Variants in PXN observed in about 807,000 individuals in gnomAD.
PXN encodes the protein testicular tissue protein Li 134.
Under a neutral mutation model 103.6 loss-of-function variants are expected in PXN, and 61 were observed. The ratio of observed to expected loss-of-function variants is 0.59; its 90% CI spans 0.48 to 0.73. PXN has a LOEUF of 0.73. Ranked by LOEUF, PXN falls within the 30% of genes least tolerant of loss-of-function variation. The pLI is 0.00. For missense variants in PXN, 1,274 were observed against 1,460.3 expected, an observed-to-expected ratio of 0.87 and a Z score of 2.08; for synonymous variants, 562 against 607.8, an observed-to-expected ratio of 0.92 and a Z score of 1.11.
rs376259841 is a variant in PXN, at chr12:120,216,002, C to T, written c.2301+271G>A. The T allele has an allele frequency of 3.5e-5, 47 of 1,352,148 alleles. No homozygotes were observed. The African/African-American group carries it at 5.2e-4, about 15-fold the overall frequency. The allele number at this position is 1,352,148 out of a possible 1,614,324, so 83.8% of individuals were successfully genotyped here. A position where few individuals can be genotyped will look rare whatever the true frequency, so the allele number is the denominator to read the frequency against. On this transcript the variant is annotated intron_variant, in intron 9 of 14. Coordinates refer to ENST00000637617, the MANE Select transcript of PXN (RefSeq NM_001385981.1). This position sits in a 1 kb window ranked among gnomAD's most constrained non-coding sequence, Gnocchi z 5.1. ...TCCCTTCTGGAGTGGCTTCTTTCCT[C>T]GATGGGAGCCCGGGGCAGTACTGAG...
In PXN at chr12:120,219,606, C is replaced by T. The variant is rs750178576; in HGVS notation, c.1317G>A (p.Trp439Ter). ...EALAATWEQP[W>*]ASEVFGPERM... ...TCTCAGGCCCGAATACCTCCGAAGC[C>T]CATGGCTGCTCCCATGTGGCAGCCA... The change falls in exon 7 of 15, where the codon TGG becomes TGA. Residue 439 changes from tryptophan (W) to a stop codon, truncating the protein, a stop_gained. Coordinates refer to ENST00000637617, the MANE Select transcript of PXN (RefSeq NM_001385981.1). LOFTEE classifies it high-confidence loss of function. This position sits in a 1 kb window ranked among gnomAD's most constrained non-coding sequence, Gnocchi z 6.5. 4 of 1,565,936 alleles carry T rather than the reference C, an allele frequency of 2.6e-6. No individual in the cohort carries two copies. Among genetic ancestry groups the T allele is most frequent in the Non-Finnish European group, 3.4e-6 (4 of 1,163,494 alleles).
Position 120,213,054 on chromosome 12 carries a change from T to C in PXN, c.2980-474A>G, listed in dbSNP as rs879847665. On this transcript the variant is annotated intron_variant, in intron 14 of 14. Coordinates refer to ENST00000637617, the MANE Select transcript of PXN (RefSeq NM_001385981.1). This position sits in a 1 kb window ranked among gnomAD's most constrained non-coding sequence, Gnocchi z 4.2. ...TCAAACTCTGCCTCCTAGATTCTCA[T>C]TGGAGATTCACATCACATATAGGTA... 12 of 155,396 alleles carry C rather than the reference T, an allele frequency of 7.7e-5. No individual in the cohort carries two copies. The highest frequency in any genetic ancestry group is 1.3e-4 in the Non-Finnish European group (9 of 70,102). The allele number at this position is 155,396 out of a possible 1,614,324, so 9.6% of individuals were successfully genotyped here.
intron 1 of PXN, among the ~76,000 whole-genome samples, chr12:120,231,011 T>G (rs2136411305): frequency 6.6e-6 from 1 of 152,218 alleles, no homozygotes; most frequent in African/African-American, 2.4e-5. Flanking sequence ...AATGAATGGC[T>G]GAATGACAGA....
intron 1 of PXN, among the ~76,000 whole-genome samples, chr12:120,260,107 G>A (rs570530128): frequency 2.6e-5 from 4 of 152,340 alleles, no homozygotes; most frequent in South Asian, 2.1e-4. Context: ...TGTCTCAAGA[G>A]TAACAGGTGA....
Position 120,224,628 on chromosome 12 carries a change from T to G in PXN, c.14-251A>C, listed in dbSNP as rs1403830466. 1 of 678,172 alleles carries G rather than the reference T, an allele frequency of 1.5e-6. No individual in the cohort carries two copies. Among genetic ancestry groups the G allele is most frequent in the East Asian group, 2.8e-5 (1 of 35,098 alleles). 42.0% of individuals were successfully genotyped at this position (678,172 alleles called of 1,614,324 possible). A position where few individuals can be genotyped will look rare whatever the true frequency, so the allele number is the denominator to read the frequency against. On this transcript the variant is annotated intron_variant, in intron 1 of 14. Transcript: ENST00000637617. The surrounding 1 kb of genome is among the most constrained non-coding windows in gnomAD (Gnocchi z 5.0). ...CTAGAGGCGGGCTCTGGGGCTGCCC[T>G]GTGGGATCTCCTACCTCTGGGAGTC...
intron 1 of PXN, chr12:120,249,967 C>A (rs1451773565): frequency 1.0e-6 from 1 of 985,376 alleles, no homozygotes; most frequent in Admixed American, 6.1e-5. Flanking sequence ...CCTTCCAAGA[C>A]AGGCAGCATG....
chr12:120,260,513 A>G (rs1893712344), intron 1 of PXN, among the ~76,000 whole-genome samples: 1 of 151,398 alleles, frequency 6.6e-6, no homozygotes, highest in African/African-American at 2.4e-5. Context: ...AAAAAAAAAA[A>G]AGAACAAAAG....
chr12:120,226,334 C>T, intron 1 of PXN: 5 of 1,289,238 alleles, frequency 3.9e-6, no homozygotes, highest in Non-Finnish European at 4.0e-6. Flanking sequence ...TGAAGGCCCA[C>T]TGGGGCCAGG....
intron 1 of PXN, among the ~76,000 whole-genome samples, chr12:120,246,222 AC>A (rs990860615): frequency 6.6e-6 from 1 of 150,522 alleles, no homozygotes; most frequent in African/African-American, 2.4e-5. Context: ...TTCCGTCTCT[AC>A]AAAAATAAAA....
chr12:120,264,634 T>G (rs185329505), intron 1 of PXN, among the ~76,000 whole-genome samples: 1 of 152,142 alleles, frequency 6.6e-6, no homozygotes, highest in African/African-American at 2.4e-5. Context: ...AGGAAAACAG[T>G]AAAACTCTGT....
intron 1 of PXN, among the ~76,000 whole-genome samples, chr12:120,236,858 G>A (rs184835649): frequency 3.3e-5 from 5 of 151,686 alleles, no homozygotes; most frequent in African/African-American, 1.2e-4. Flanking sequence ...AGGCTGGAGT[G>A]CAGTGGTGTG....
Position 120,216,283 on chromosome 12 carries a change from G to C in PXN, c.2291C>G (p.Pro764Arg), listed in dbSNP as rs1168747566. ...GCQTDEDPLF[P>R]PMQIQGLEQR... ...TCCTTTAAGGCCTGCCTGCATCGGG[G>C]GGAAGAGCGGGTCCTCATCAGTCTG... Residue 764 changes from proline to arginine, a missense_variant, in exon 9 of 15, where the codon CCC (proline) becomes CGC (arginine). Pro to Arg is a moderately radical substitution (Grantham distance 103). Coordinates refer to ENST00000637617, the MANE Select transcript of PXN (RefSeq NM_001385981.1). The surrounding 1 kb of genome is among the most constrained non-coding windows in gnomAD (Gnocchi z 5.1). 7.8e-7 allele frequency: 1 copy of C among 1,277,562 alleles called. No individual in the cohort carries two copies. Among genetic ancestry groups the C allele is most frequent in the Non-Finnish European group, 9.8e-7 (1 of 1,016,310 alleles). 79.1% of individuals were successfully genotyped at this position (1,277,562 alleles called of 1,614,324 possible).
In PXN at chr12:120,240,073, C is replaced by T. The variant is rs573012337; in HGVS notation, c.14-15696G>A. Among the ~76,000 whole-genome samples, 3 of 152,216 alleles carry T rather than the reference C, an allele frequency of 2.0e-5. No homozygotes were observed. In the South Asian group the frequency reaches 6.2e-4, roughly 32 times the overall value. On this transcript the variant is annotated intron_variant, in intron 1 of 14. Coordinates refer to ENST00000637617, the MANE Select transcript of PXN (RefSeq NM_001385981.1). ...CCAGCTCTGCCACTTGCTAGCATGACACCTCTTTGAGCTCAGTTCCCTCAT... is the reference window on the plus strand; with the variant it reads ...CCAGCTCTGCCACTTGCTAGCATGATACCTCTTTGAGCTCAGTTCCCTCAT...
In PXN at chr12:120,220,318, G is replaced by A. The variant is rs1287068773; in HGVS notation, c.832-227C>T. On this transcript the variant is annotated intron_variant, in intron 6 of 14. Coordinates refer to ENST00000637617, the MANE Select transcript of PXN (RefSeq NM_001385981.1). The surrounding 1 kb of genome is among the most constrained non-coding windows in gnomAD (Gnocchi z 6.1). ...AGCAAGAGAAAGCAGCCACCAAGCCGTGCCTGTGGAGCCACCCAGGGAGGG... is the reference window on the plus strand; with the variant it reads ...AGCAAGAGAAAGCAGCCACCAAGCCATGCCTGTGGAGCCACCCAGGGAGGG... Among the ~76,000 whole-genome samples, 4 of 152,146 alleles carry A rather than the reference G, an allele frequency of 2.6e-5. No individual in the cohort carries two copies. The highest frequency in any genetic ancestry group is 2.1e-4 in the South Asian group (1 of 4,830).
At chr12:120,218,042 A>ATTT (rs1167466002) in intron 7 of PXN, among the ~76,000 whole-genome samples, 14 of 99,232 alleles carry the variant, frequency 1.4e-4, no homozygotes, top group African/African-American at 2.3e-4. Flanking sequence ...AGCTTGGGGG[A>ATTT]TTTTTTTTTT....
chr12:120,250,198 GACACTCC>G lies in PXN; in HGVS notation c.13+15412_13+15418del, dbSNP rs1217524029. ...AGAGGAAACCAAGTGCAGGCCATTG[GACACTCC>G]CATTTCCACCTAAGGAAGAGGAATG... is the stretch of plus-strand genomic sequence containing the variant. On this transcript the variant is annotated intron_variant, in intron 1 of 14. Coordinates refer to ENST00000637617, the MANE Select transcript of PXN (RefSeq NM_001385981.1). 8 of 984,408 alleles carry G rather than the reference GACACTCC, an allele frequency of 8.1e-6. No homozygotes were observed. The Admixed American group carries it at 4.9e-4, about 61-fold the overall frequency. 61.0% of individuals were successfully genotyped at this position (984,408 alleles called of 1,614,324 possible).
chr12:120,231,340 G>A (rs1045310158), intron 1 of PXN, among the ~76,000 whole-genome samples: 2 of 152,218 alleles, frequency 1.3e-5, no homozygotes, highest in African/African-American at 2.4e-5. Context: ...GCTCTGCTAA[G>A]AGGATGGATG....
rs1454178523 is a variant in PXN at position 120,254,331 on chromosome 12, G to T, written c.13+11286C>A. ...AGATGCACAAGTTTAGAAATCTAAT[G>T]TATGATATGAGGGCTGAAGTTAAGA... On this transcript the variant is annotated intron_variant, in intron 1 of 14. Transcript: ENST00000637617. Among the ~76,000 whole-genome samples, 6 of 152,184 alleles carry T rather than the reference G, an allele frequency of 3.9e-5. No individual in the cohort carries two copies. The East Asian group carries it at 1.2e-3, about 29-fold the overall frequency.
chr12:120,219,070 G>T lies in PXN; in HGVS notation c.1716+137C>A. 2.1e-6 allele frequency: 2 copies of T among 960,800 alleles called. No individual in the cohort carries two copies. Among genetic ancestry groups the T allele is most frequent in the Non-Finnish European group, 3.0e-6 (2 of 671,746 alleles). The allele number at this position is 960,800 out of a possible 1,614,324, so 59.5% of individuals were successfully genotyped here. A position where few individuals can be genotyped will look rare whatever the true frequency, so the allele number is the denominator to read the frequency against. ...CCCACTGCCAAGTGCTGACTGTCAG[G>T]TCCGGCCACAGTGTCTCAGCATTTT... is the stretch of plus-strand genomic sequence containing the variant. On this transcript the variant is annotated intron_variant, in intron 7 of 14. Coordinates refer to ENST00000637617, the MANE Select transcript of PXN (RefSeq NM_001385981.1). This position sits in a 1 kb window ranked among gnomAD's most constrained non-coding sequence, Gnocchi z 6.5.
Sources: allele counts gnomAD v4.1 joint callset (sites outside exome capture counted in the v4.1 genomes callset), GRCh38; gene constraint gnomAD v4.1.1; non-coding constraint Gnocchi (gnomAD v3.1); transcripts MANE v1.5; gene names NCBI Gene and HGNC (gene_info 2026-07-23, HGNC 2026-07-21).